Variants in FILIP1L observed in about 807,000 individuals in gnomAD.
The protein encoded by FILIP1L is filamin A-interacting protein 1-like.
Under a neutral mutation model 96.6 loss-of-function variants are expected in FILIP1L, and 55 were observed. The ratio of observed to expected loss-of-function variants is 0.57; its 90% CI spans 0.46 to 0.71. FILIP1L has a LOEUF of 0.71. Ranked by LOEUF, FILIP1L falls within the 30% of genes least tolerant of loss-of-function variation. The probability of loss-of-function intolerance (pLI) is 0.00; values close to 1 mark genes in which losing one functional copy is unlikely to be tolerated. For missense variants in FILIP1L, 1,304 were observed against 1,321.2 expected (o/e 0.99, Z 0.20); for synonymous variants, 467 against 473.9 (o/e 0.99, Z 0.19).
chr3:99,915,692 A>G (rs1205410164), intron 4 of FILIP1L, among the ~76,000 whole-genome samples: 1 of 151,928 alleles, frequency 6.6e-6, no homozygotes, highest in African/African-American at 2.4e-5. Context: ...GTGTTAGATC[A>G]TTAGGACATT....
chr3:99,964,565 A>G (rs1708590996), intron 1 of FILIP1L, among the ~76,000 whole-genome samples: 1 of 151,982 alleles, frequency 6.6e-6, no homozygotes, highest in East Asian at 2.0e-4. Flanking sequence ...TCTTTGCACC[A>G]TATCACTCTG....
chr3:99,840,175 G>A (rs1318782817), intron 5 of FILIP1L, among the ~76,000 whole-genome samples: 1 of 145,550 alleles, frequency 6.9e-6, no homozygotes, highest in African/African-American at 2.5e-5. Context: ...ATAATGGGGA[G>A]AAAAAGCTGA....
intron 1 of FILIP1L, among the ~76,000 whole-genome samples, chr3:99,953,805 A>G (rs960159728): frequency 2.6e-5 from 4 of 152,184 alleles, no homozygotes; most frequent in Non-Finnish European, 1.5e-5. Context: ...GCAATTAGCT[A>G]GCTTATTCAG....
chr3:99,972,397 G>A (rs988443350), intron 1 of FILIP1L, among the ~76,000 whole-genome samples: 5 of 152,160 alleles, frequency 3.3e-5, no homozygotes, highest in African/African-American at 4.8e-5. Flanking sequence ...ATCATAAACC[G>A]TGAGAAGCCT....
intron 1 of FILIP1L, among the ~76,000 whole-genome samples, chr3:100,094,527 T>G (rs1239675861): frequency 2.0e-5 from 3 of 152,122 alleles, no homozygotes; most frequent in African/African-American, 4.8e-5. Context: ...AGATTTTCTC[T>G]TATTTTCTAA....
chr3:99,846,606 C>T (rs1001128873), intron 5 of FILIP1L, among the ~76,000 whole-genome samples: 1 of 152,214 alleles, frequency 6.6e-6, no homozygotes. Context: ...CATTCATCAG[C>T]AGCCTCAGCT....
intron 4 of FILIP1L, among the ~76,000 whole-genome samples, chr3:99,878,642 G>A (rs1309979478): frequency 6.6e-6 from 1 of 152,058 alleles, no homozygotes; most frequent in African/African-American, 2.4e-5. Context: ...TCTTTTTTGT[G>A]GATTTGTGGA....
At chr3:100,103,788 C>A (rs1346756872) in intron 1 of FILIP1L, among the ~76,000 whole-genome samples, 1 of 152,110 alleles carries the variant, frequency 6.6e-6, no homozygotes, top group African/African-American at 2.4e-5. Context: ...GTTCAAATAA[C>A]AAATTGTTGC....
chr3:99,964,006 G>T (rs1055270168), intron 1 of FILIP1L, among the ~76,000 whole-genome samples: 1 of 152,086 alleles, frequency 6.6e-6, no homozygotes, highest in Non-Finnish European at 1.5e-5. Flanking sequence ...CCAAGGTGAA[G>T]CTGATTTCAC....
intron 4 of FILIP1L, among the ~76,000 whole-genome samples, chr3:99,853,725 T>G (rs1282361940): frequency 6.6e-6 from 1 of 152,236 alleles, no homozygotes; most frequent in Non-Finnish European, 1.5e-5. Context: ...TGAATGCATT[T>G]TCTCTAAGCA....
intron 4 of FILIP1L, among the ~76,000 whole-genome samples, chr3:99,893,667 T>C (rs1199422415): frequency 6.6e-6 from 1 of 152,238 alleles, no homozygotes; most frequent in African/African-American, 2.4e-5. Context: ...CCTTTAAAGT[T>C]AGCTATTTTA....
At chr3:100,113,104 CTT>C (rs1237505125) in intron 1 of FILIP1L, among the ~76,000 whole-genome samples, 1 of 152,164 alleles carries the variant, frequency 6.6e-6, no homozygotes, top group African/African-American at 2.4e-5. Context: ...TCTTCTATTC[CTT>C]CCTGAGATGT....
chr3:99,938,717 A>G (rs1396421912), intron 1 of FILIP1L, among the ~76,000 whole-genome samples: 2 of 152,332 alleles, frequency 1.3e-5, no homozygotes, highest in African/African-American at 2.4e-5. Context: ...TGATTCATCT[A>G]TGAAAATAGT....
intron 1 of FILIP1L, among the ~76,000 whole-genome samples, chr3:100,104,413 A>T (rs1391068427): frequency 1.3e-5 from 2 of 152,174 alleles, no homozygotes. Flanking sequence ...AAGAAATGTG[A>T]CCCACACTTT....
chr3:99,963,394 A>G (rs543206220), intron 1 of FILIP1L, among the ~76,000 whole-genome samples: 104 of 152,306 alleles, frequency 6.8e-4, no homozygotes, highest in Non-Finnish European at 1.3e-3. Context: ...TAGGAAAAGA[A>G]GTAAAAATAA....
At chr3:99,902,082 T>C (rs1401969205) in intron 4 of FILIP1L, among the ~76,000 whole-genome samples, 1 of 152,182 alleles carries the variant, frequency 6.6e-6, no homozygotes, top group Non-Finnish European at 1.5e-5. Flanking sequence ...AGACAAAATA[T>C]TTAAATGATT....
chr3:99,865,295 G>A (rs571985258), intron 4 of FILIP1L, among the ~76,000 whole-genome samples: 1 of 152,280 alleles, frequency 6.6e-6, no homozygotes, highest in South Asian at 2.1e-4. Context: ...GAATGCCAGT[G>A]TAGTTTTTAC....
chr3:100,011,969 G>GC (rs1710169209), intron 1 of FILIP1L, among the ~76,000 whole-genome samples: 3 of 152,254 alleles, frequency 2.0e-5, no homozygotes, highest in Non-Finnish European at 4.4e-5. Context: ...TTGTGTGGCT[G>GC]CTTTCTGATA....
chr3:99,984,971 T>A (rs1709287924), intron 1 of FILIP1L, among the ~76,000 whole-genome samples: 1 of 152,152 alleles, frequency 6.6e-6, no homozygotes, highest in African/African-American at 2.4e-5. Flanking sequence ...AGAAAAGATT[T>A]AGTGGAAATG....
Sources: gnomAD v4.1 joint callset for allele counts (sites outside exome capture counted in the v4.1 genomes callset) on GRCh38, gnomAD v4.1.1 for gene constraint, MANE v1.5 for transcripts, NCBI Gene and HGNC (gene_info 2026-07-23, HGNC 2026-07-21) for gene names.